Variants in ERCC3 observed in about 807,000 individuals in gnomAD.
ERCC3 encodes the protein general transcription and DNA repair factor IIH helicase/translocase subunit XPB.
ERCC3 carries 66 observed loss-of-function variants against 94.2 expected under a neutral mutation model. The observed-to-expected ratio is 0.70, with a 90% CI of 0.57 to 0.86. ERCC3 has a LOEUF of 0.86. ERCC3 is among the 40% of genes least tolerant of loss of function. The pLI is 0.00. For missense variants in ERCC3, 829 were observed against 987.1 expected (o/e 0.84, Z 2.15); for synonymous variants, 349 against 369.1 (o/e 0.95, Z 0.63).
At position 127,271,377 on chromosome 2, in the gene ERCC3, T is replaced by C. The variant is rs1460478816; in HGVS notation, c.1904A>G (p.Gln635Arg). 1.2e-6 allele frequency: 2 copies of C among 1,614,180 alleles called. No homozygotes were observed. The change falls in exon 12 of 15, where the codon CAG becomes CGG. Residue 635 changes from glutamine to arginine, a missense_variant. Physicochemically the swap from Gln to Arg is conservative, Grantham distance 43. Coordinates refer to ENST00000285398, the MANE Select transcript of ERCC3 (RefSeq NM_000122.2). The surrounding 1 kb of genome is among the most constrained non-coding windows in gnomAD (Gnocchi z 5.0). ...CACCCGCCCTAGCCTTTGGGCTTCC[T>C]GACGCCTGGAGCCACCATGGGATGA... ...QISSHGGSRR[Q>R]EAQRLGRVLR...
chr2:127,282,549 A>G (rs1490030471), intron 8 of ERCC3, among the ~76,000 whole-genome samples: 3 of 152,268 alleles, frequency 2.0e-5, no homozygotes, highest in South Asian at 2.1e-4. Context: ...AAAACAGCAC[A>G]GCAATCTTTA....
At chr2:127,289,868 C>A (rs1442950182) in intron 4 of ERCC3, 44 bp from the exon 5 acceptor site, 1 of 1,609,800 alleles carries the variant, frequency 6.2e-7, no homozygotes, top group East Asian at 2.2e-5. Flanking sequence ...CCAGCAGGTA[C>A]CTCCTGGAGA....
intron 7 of ERCC3, 55 bp from the exon 8 acceptor site, chr2:127,287,072 GGACAGGCAGAAT>G: frequency 2.8e-6 from 4 of 1,407,518 alleles, no homozygotes; most frequent in Non-Finnish European, 4.0e-6. Context: ...TGAAGGACAG[GGACAGGCAGAAT>G]GACTCACAAG....
In ERCC3 at chr2:127,258,838, A is replaced by G. The variant is rs1221020601; in HGVS notation, c.2217+458T>C. ...CAAAGTTAAGTATCGAAGCTACCACAAGAGTTGATCCTCAGAGCAGTCTTA... is the reference window on the plus strand; with the variant it reads ...CAAAGTTAAGTATCGAAGCTACCACGAGAGTTGATCCTCAGAGCAGTCTTA... On this transcript the variant is annotated intron_variant, in intron 14 of 14. Coordinates refer to ENST00000285398, the MANE Select transcript of ERCC3 (RefSeq NM_000122.2). The surrounding 1 kb of genome is among the most constrained non-coding windows in gnomAD (Gnocchi z 4.1). 6.6e-6 allele frequency among the ~76,000 whole-genome samples: 1 copy of G among 152,206 alleles called. No individual in the cohort carries two copies. The highest frequency in any genetic ancestry group is 1.5e-5 in the Non-Finnish European group (1 of 68,032).
intron 8 of ERCC3, among the ~76,000 whole-genome samples, chr2:127,281,768 A>AAC (rs147789931): frequency 2.9e-3 from 431 of 150,222 alleles, no homozygotes; most frequent in South Asian, 5.1e-3. Flanking sequence ...CACACACACA[A>AAC]ACACACACAC....
intron 12 of ERCC3, among the ~76,000 whole-genome samples, chr2:127,270,044 C>CAATCAATCAATA (rs1553509753): frequency 4.6e-5 from 7 of 151,774 alleles, no homozygotes; most frequent in Admixed American, 1.3e-4. Context: ...ATCAATCAAT[C>CAATCAATCAATA]AATAAAGGAG....
chr2:127,259,921 G>T lies in ERCC3; in HGVS notation c.2065-473C>A. 1 of 243,410 alleles carries T rather than the reference G, an allele frequency of 4.1e-6. No individual in the cohort carries two copies. Among genetic ancestry groups the T allele is most frequent in the Non-Finnish European group, 8.1e-6 (1 of 122,888 alleles). 15.1% of individuals were successfully genotyped at this position (243,410 alleles called of 1,614,324 possible). ...TGAAAATGAAAATGATAGGATATCA[G>T]GAAGATTATTTATAGAGCTTCTCTG... On this transcript the variant is annotated intron_variant, in intron 13 of 14. Coordinates refer to ENST00000285398, the MANE Select transcript of ERCC3 (RefSeq NM_000122.2). The surrounding 1 kb of genome is among the most constrained non-coding windows in gnomAD (Gnocchi z 4.9).
In ERCC3 at chr2:127,289,698, G is replaced by T; in HGVS notation, c.648C>A (p.Ser216Arg). 6.2e-7 allele frequency: 1 copy of T among 1,614,140 alleles called. No homozygotes were observed. The highest frequency in any genetic ancestry group is 8.5e-7 in the Non-Finnish European group (1 of 1,180,022). The change falls in exon 5 of 15, where the codon AGC becomes AGA. Residue 216 changes from serine to arginine, a missense_variant. By Grantham distance (110) the Ser-to-Arg change is moderately radical. Transcript: ENST00000285398. Reference protein sequence around the residue: ...ATELITETFTSKSAISKTAES... With the variant: ...ATELITETFTRKSAISKTAES... Reference sequence around the variant, plus strand: ...CCAGGAGTCCACATACGGCAGATTTGCTTGTGAAAGTCTCTGTGATGAGCT... The same window carrying T: ...CCAGGAGTCCACATACGGCAGATTTTCTTGTGAAAGTCTCTGTGATGAGCT...
chr2:127,290,465 A>C (rs1685230761), intron 3 of ERCC3, 192 bp from the exon 4 acceptor site: 2 of 654,268 alleles, frequency 3.1e-6, no homozygotes, highest in Non-Finnish European at 5.6e-6. Context: ...TCTGAGAACA[A>C]AATCTTCCTC....
chr2:127,266,709 ATTT>A (rs960627621), intron 12 of ERCC3, among the ~76,000 whole-genome samples: 3 of 87,336 alleles, frequency 3.4e-5, no homozygotes, highest in East Asian at 3.4e-4. Flanking sequence ...ATGATCAATT[ATTT>A]TTTTTTTTTT....
chr2:127,292,265 C>T, intron 3 of ERCC3: 1 of 415,114 alleles, frequency 2.4e-6, no homozygotes, highest in South Asian at 2.1e-5. Context: ...GTCCCCAGCA[C>T]ACTCACTTTG....
intron 3 of ERCC3, 22 bp downstream of exon 3, chr2:127,292,588 G>C: frequency 2.1e-6 from 3 of 1,459,668 alleles, no homozygotes; most frequent in Non-Finnish European, 2.9e-6. Context: ...AGGTGGAATT[G>C]CTGGTCTCAG....
At chr2:127,263,926 C>T (rs994807507) in intron 12 of ERCC3, among the ~76,000 whole-genome samples, 2 of 152,014 alleles carry the variant, frequency 1.3e-5, no homozygotes, top group Admixed American at 6.6e-5. Context: ...CCAGAATGAC[C>T]TAGATCTCCT....
Position 127,286,796 on chromosome 2 carries a change from T to TG in ERCC3, c.1248dup (p.Thr417HisfsTer26). On this transcript the variant is annotated frameshift_variant, in exon 8 of 15. Coordinates refer to ENST00000285398, the MANE Select transcript of ERCC3 (RefSeq NM_000122.2). LOFTEE classifies it high-confidence loss of function. The stretch of plus-strand genomic sequence containing the variant: ...CGCTCGGCCTCCCAGGACCTTTTGG[T>TG]GGTGTGGCCCAGCATGGAGTAGGTG... The TG allele has an allele frequency of 6.2e-7, 1 of 1,614,188 alleles. No individual in the cohort carries two copies. Among genetic ancestry groups the TG allele is most frequent in the Non-Finnish European group, 8.5e-7 (1 of 1,180,022 alleles).
rs587778278 is a variant in ERCC3, at chr2:127,292,774, T to C, written c.307A>G (p.Ile103Val). Residue 103 changes from isoleucine to valine, a missense_variant, in exon 3 of 15, where the codon ATT becomes GTT. Ile to Val is a conservative substitution (Grantham distance 29). Coordinates refer to ENST00000285398, the MANE Select transcript of ERCC3 (RefSeq NM_000122.2). ...GTTGGTCGGCACACTGGCTCTGCAA[T>C]AGCCACCAAGAAGTCTTGGGCATAT... ...YKYAQDFLVA[I>V]AEPVCRPTHV... The C allele has an allele frequency of 1.7e-5, 28 of 1,613,794 alleles. No individual in the cohort carries two copies. The South Asian group carries it at 2.5e-4, about 15-fold the overall frequency.
rs1264404139 is a variant in ERCC3, at chr2:127,291,812, G to GT, written c.471+797dup. ...CTATTAATCACATGGAACCCTCTTT[G>GT]TTTTGTCAAAAACATCTGAAGTTGT... On this transcript the variant is annotated intron_variant, in intron 3 of 14. Coordinates refer to ENST00000285398, the MANE Select transcript of ERCC3 (RefSeq NM_000122.2). The surrounding 1 kb of genome is among the most constrained non-coding windows in gnomAD (Gnocchi z 4.9). The GT allele has an allele frequency of 6.6e-6, 1 of 152,522 alleles. No individual in the cohort carries two copies. Among genetic ancestry groups the GT allele is most frequent in the Non-Finnish European group, 1.5e-5 (1 of 68,294 alleles). 9.4% of individuals were successfully genotyped at this position (152,522 alleles called of 1,614,324 possible).
Position 127,279,902 on chromosome 2 carries a change from C to T in ERCC3, c.1528-527G>A, listed in dbSNP as rs4150459. Reference sequence around the variant, plus strand: ...CTTAAAAGATTTTTAAATGCAATCACATCCAGGGAGTTATTTTCACACCAG... The same window carrying T: ...CTTAAAAGATTTTTAAATGCAATCATATCCAGGGAGTTATTTTCACACCAG... On this transcript the variant is annotated intron_variant, in intron 9 of 14. Coordinates refer to ENST00000285398, the MANE Select transcript of ERCC3 (RefSeq NM_000122.2). This position sits in a 1 kb window ranked among gnomAD's most constrained non-coding sequence, Gnocchi z 4.7. Among the ~76,000 whole-genome samples the T allele has an allele frequency of 0.092, 13,952 of 152,216 alleles. 1,067 individuals carry two copies. Among genetic ancestry groups the T allele is most frequent in the African/African-American group, 0.21 (8,823 of 41,532 alleles).
intron 1 of ERCC3, 166 bp downstream of exon 1, chr2:127,293,888 C>T (rs939920359): frequency 1.3e-6 from 2 of 1,526,286 alleles, no homozygotes; most frequent in Non-Finnish European, 1.8e-6. Context: ...CGCTGGGCTG[C>T]GCCCAGGTCC....
At chr2:127,287,218 G>C in intron 7 of ERCC3, among the ~76,000 whole-genome samples, 1 of 152,218 alleles carries the variant, frequency 6.6e-6, no homozygotes, top group East Asian at 1.9e-4. Context: ...ACATATGTGA[G>C]AAATGGCAGG....
Sources: allele counts gnomAD v4.1 joint callset (sites outside exome capture counted in the v4.1 genomes callset), GRCh38; gene constraint gnomAD v4.1.1; non-coding constraint Gnocchi (gnomAD v3.1); transcripts MANE v1.5; gene names NCBI Gene and HGNC (gene_info 2026-07-23, HGNC 2026-07-21).